Variants in PTPRC observed in about 807,000 individuals in gnomAD.
PTPRC encodes protein tyrosine phosphatase receptor type C, also known as receptor-type tyrosine-protein phosphatase C.
A neutral mutation model predicts 155.9 loss-of-function variants in PTPRC; 44 were observed. The ratio of observed to expected loss-of-function variants is 0.28; its 90% CI spans 0.22 to 0.36. The LOEUF is 0.36. Ranked by LOEUF, PTPRC falls within the 10% of genes least tolerant of loss-of-function variation. PTPRC has a pLI of 1.00. For missense variants in PTPRC, 1,401 were observed against 1,564.6 expected (o/e 0.90, Z 1.76); for synonymous variants, 525 against 533.1 (o/e 0.98, Z 0.21).
At chr1:198,731,483 G>T in intron 17 of PTPRC, 134 bp from the exon 18 acceptor site, 1 of 691,152 alleles carries the variant, frequency 1.4e-6, no homozygotes, top group South Asian at 1.5e-5. Context: ...GTATGTGAGT[G>T]AGATTTCTCA....
At chr1:198,666,010 G>C (rs192945332) in intron 2 of PTPRC, among the ~76,000 whole-genome samples, 97 of 152,192 alleles carry the variant, frequency 6.4e-4, no homozygotes, top group Non-Finnish European at 7.8e-4. Flanking sequence ...AGAGGCCAAG[G>C]GGGGAGAATC....
chr1:198,752,106 A>G (rs1655408820), intron 29 of PTPRC, 143 bp from the exon 30 acceptor site: 5 of 938,624 alleles, frequency 5.3e-6, no homozygotes, highest in Non-Finnish European at 8.2e-6. Context: ...GATTTTTATA[A>G]GTAGGTTTCA....
chr1:198,746,560 G>A (rs1344265070), intron 26 of PTPRC, among the ~76,000 whole-genome samples: 1 of 151,788 alleles, frequency 6.6e-6, no homozygotes, highest in Non-Finnish European at 1.5e-5. Context: ...AGAGGGCAGG[G>A]AGGAAGGCAC....
chr1:198,722,548 A>G, intron 15 of PTPRC, 72 bp downstream of exon 15: 1 of 877,696 alleles, frequency 1.1e-6, no homozygotes, highest in African/African-American at 1.8e-5. Context: ...ATATTATTTT[A>G]CACTTATAAT....
At chr1:198,692,665 T>G in intron 3 of PTPRC, 1 of 951,472 alleles carries the variant, frequency 1.1e-6, no homozygotes, top group Non-Finnish European at 1.3e-6. Context: ...TTTAATATTT[T>G]AAGACTATAA....
intron 27 of PTPRC, 27 bp downstream of exon 27, chr1:198,748,226 G>A: frequency 1.9e-6 from 3 of 1,575,900 alleles, no homozygotes; most frequent in Non-Finnish European, 2.6e-6. Flanking sequence ...TTTATTTTTT[G>A]TATCAGATAA....
chr1:198,688,980 G>T (rs1665781022), intron 2 of PTPRC, among the ~76,000 whole-genome samples: 1 of 152,110 alleles, frequency 6.6e-6, no homozygotes, highest in South Asian at 2.1e-4. Context: ...GCTTAAGAAA[G>T]AAAACATAAG....
At chr1:198,751,555 A>C (rs142818900) in intron 29 of PTPRC, among the ~76,000 whole-genome samples, 69 of 152,120 alleles carry the variant, frequency 4.5e-4, no homozygotes, top group Non-Finnish European at 8.4e-4. Context: ...AAAGGAATAT[A>C]AGTCCAGATT....
chr1:198,680,599 A>T (rs763501479), intron 2 of PTPRC, among the ~76,000 whole-genome samples: 3 of 152,156 alleles, frequency 2.0e-5, no homozygotes, highest in African/African-American at 7.2e-5. Context: ...AAAGAGACAC[A>T]TCAGTGCATT....
intron 2 of PTPRC, among the ~76,000 whole-genome samples, chr1:198,662,772 T>C (rs917465921): frequency 1.3e-5 from 2 of 152,228 alleles, no homozygotes; most frequent in Non-Finnish European, 2.9e-5. Flanking sequence ...CCCTTAGCTA[T>C]TTGACAGTTA....
intron 23 of PTPRC, among the ~76,000 whole-genome samples, chr1:198,737,731 A>C (rs537683031): frequency 6.6e-6 from 1 of 151,828 alleles, no homozygotes; most frequent in African/African-American, 2.4e-5. Context: ...ATTGCATTGA[A>C]TCTGTAGATA....
chr1:198,727,384 A>C (rs753058532), intron 15 of PTPRC, among the ~76,000 whole-genome samples: 1 of 151,970 alleles, frequency 6.6e-6, no homozygotes, highest in Non-Finnish European at 1.5e-5. Flanking sequence ...TGAGGACAGG[A>C]CCCTTGTTTT....
chr1:198,646,165 A>T lies in PTPRC; in HGVS notation c.73+6824A>T, dbSNP rs561620413. 3.3e-5 allele frequency among the ~76,000 whole-genome samples: 5 copies of T among 151,860 alleles called. No individual in the cohort carries two copies. In the East Asian group the frequency reaches 9.7e-4, roughly 29 times the overall value. ...AGACCAATTTAATTCCCTGATGATTATATATATATTACCTAGTGAAATCCT... is the reference window on the plus strand; with the variant it reads ...AGACCAATTTAATTCCCTGATGATTTTATATATATTACCTAGTGAAATCCT... On this transcript the variant is annotated intron_variant, in intron 2 of 32. Coordinates refer to ENST00000442510, the MANE Select transcript of PTPRC (RefSeq NM_002838.5).
At chr1:198,743,650 C>T (rs936446411) in intron 25 of PTPRC, among the ~76,000 whole-genome samples, 3 of 151,718 alleles carry the variant, frequency 2.0e-5, no homozygotes, top group South Asian at 2.1e-4. Context: ...AAAAGGTTTT[C>T]TAAGGAATAA....
chr1:198,669,543 A>G (rs944636005), intron 2 of PTPRC, among the ~76,000 whole-genome samples: 5 of 152,042 alleles, frequency 3.3e-5, no homozygotes, highest in African/African-American at 4.8e-5. Context: ...CTTTATTTTT[A>G]TACTATGTTT....
At chr1:198,737,432 A>AAT (rs1553243791) in intron 23 of PTPRC, among the ~76,000 whole-genome samples, 2 of 151,580 alleles carry the variant, frequency 1.3e-5, no homozygotes, top group African/African-American at 4.8e-5. Context: ...TTCACAGTAC[A>AAT]ATCTATTGTG....
rs189652156 is a variant in PTPRC at position 198,672,228 on chromosome 1, G to C, written c.74-20119G>C. Among the ~76,000 whole-genome samples, 4 of 152,232 alleles carry C rather than the reference G, an allele frequency of 2.6e-5. No homozygotes were observed. The East Asian group carries it at 5.8e-4, about 22-fold the overall frequency. On this transcript the variant is annotated intron_variant, in intron 2 of 32. Coordinates refer to ENST00000442510, the MANE Select transcript of PTPRC (RefSeq NM_002838.5). ...CAAAAGGAAACAATACCCCTCTCCT[G>C]TCTCTGGTTCATATTTGATGAGAAT...
chr1:198,642,928 CTTTCTTT>C, intron 2 of PTPRC, among the ~76,000 whole-genome samples: 5 of 147,208 alleles, frequency 3.4e-5, no homozygotes, highest in African/African-American at 1.0e-4. Context: ...TTCTTTCTTT[CTTTCTTT>C]CTTTCTTTCT....
chr1:198,743,009 A>G (rs1433913081), intron 25 of PTPRC, among the ~76,000 whole-genome samples: 1 of 150,910 alleles, frequency 6.6e-6, no homozygotes, highest in Non-Finnish European at 1.5e-5. Flanking sequence ...TACCCAAGAG[A>G]AGCATCAACT....
Sources: allele counts gnomAD v4.1 joint callset (sites outside exome capture counted in the v4.1 genomes callset), GRCh38; gene constraint gnomAD v4.1.1; transcripts MANE v1.5; gene names NCBI Gene and HGNC (gene_info 2026-07-23, HGNC 2026-07-21).